The following RPH3A variants were observed in gnomAD, a reference collection of about 807,000 sequenced individuals.
The protein encoded by RPH3A is rabphilin 3A.
Under a neutral mutation model 102.2 loss-of-function variants are expected in RPH3A, and 48 were observed. The ratio of observed to expected loss-of-function variants is 0.47; its 90% CI spans 0.37 to 0.60. The LOEUF is 0.60. Among genes scored for constraint, RPH3A ranks in the 20% least tolerant of loss-of-function variants. The probability of loss-of-function intolerance (pLI) is 0.00; values close to 1 mark genes in which losing one functional copy is unlikely to be tolerated. For synonymous variants in RPH3A, 310 were observed against 324.3 expected (o/e 0.96, Z 0.47); for missense variants, 781 against 910.1 (o/e 0.86, Z 1.83).
intron 1 of RPH3A, among the ~76,000 whole-genome samples, chr12:112,749,300 G>A (rs989205592): frequency 6.6e-6 from 1 of 152,164 alleles, no homozygotes; most frequent in Non-Finnish European, 1.5e-5. Flanking sequence ...TGGGATGTGG[G>A]CAGACAATGT....
At chr12:112,802,375 G>T (rs1317970071) in intron 2 of RPH3A, among the ~76,000 whole-genome samples, 1 of 152,168 alleles carries the variant, frequency 6.6e-6, no homozygotes, top group Non-Finnish European at 1.5e-5. Context: ...CTGTAAGATG[G>T]GGATAATGCT....
chr12:112,627,220 T>TA, intron 1 of RPH3A, among the ~76,000 whole-genome samples: 1 of 151,472 alleles, frequency 6.6e-6, no homozygotes. Context: ...AAAAATAATT[T>TA]AAAAAAAATA....
chr12:112,868,397 C>T (rs377077492), intron 7 of RPH3A, 33 bp from the exon 8 acceptor site: 9 of 1,601,332 alleles, frequency 5.6e-6, no homozygotes, highest in African/African-American at 4.0e-5. Context: ...CGCTTGGCTG[C>T]CACATCTTCA....
chr12:112,739,294 C>A (rs529117777), intron 1 of RPH3A, among the ~76,000 whole-genome samples: 1 of 152,312 alleles, frequency 6.6e-6, no homozygotes, highest in South Asian at 2.1e-4. Flanking sequence ...CCTGCATGAA[C>A]TCAACTGCTC....
intron 1 of RPH3A, among the ~76,000 whole-genome samples, chr12:112,619,230 T>C (rs971092404): frequency 2.7e-5 from 4 of 149,772 alleles, no homozygotes; most frequent in African/African-American, 9.9e-5. Context: ...AGGAATGGAA[T>C]TGCCTTATGG....
intron 18 of RPH3A, among the ~76,000 whole-genome samples, chr12:112,890,572 A>G (rs2043077051): frequency 6.6e-6 from 1 of 152,198 alleles, no homozygotes; most frequent in Non-Finnish European, 1.5e-5. Flanking sequence ...GCCAAAGCCA[A>G]TCAGTGACCC....
Position 112,891,065 on chromosome 12 carries a change from A to T in RPH3A, c.1775+62A>T, listed in dbSNP as rs896739958. 5.7e-6 allele frequency: 9 copies of T among 1,576,944 alleles called. No individual in the cohort carries two copies. The African/African-American group carries it at 1.2e-4, about 21-fold the overall frequency. Reference sequence around the variant, plus strand: ...AGGAGTCCTGGAGCCTTGGAAAAGGAGAACCAGACAGTTTCACCAAGATCG... The same window carrying T: ...AGGAGTCCTGGAGCCTTGGAAAAGGTGAACCAGACAGTTTCACCAAGATCG... On this transcript the variant is annotated intron_variant, in intron 19 of 21. Coordinates refer to ENST00000389385, the MANE Select transcript of RPH3A (RefSeq NM_001143854.2).
intron 1 of RPH3A, among the ~76,000 whole-genome samples, chr12:112,694,569 CAGAG>C (rs1299025202): frequency 6.8e-6 from 1 of 146,094 alleles, no homozygotes; most frequent in Non-Finnish European, 1.5e-5. Flanking sequence ...GAGAGAGAGA[CAGAG>C]AGAGAGAGAA....
chr12:112,889,657 C>G (rs946678797), intron 17 of RPH3A, among the ~76,000 whole-genome samples: 31 of 152,214 alleles, frequency 2.0e-4, no homozygotes, highest in African/African-American at 6.8e-4. Flanking sequence ...GACCCCAAGA[C>G]CCCTGAGCCA....
At chr12:112,759,995 C>T (rs56761357) in intron 1 of RPH3A, among the ~76,000 whole-genome samples, 2 of 151,944 alleles carry the variant, frequency 1.3e-5, no homozygotes, top group Non-Finnish European at 2.9e-5. Flanking sequence ...GCCCGACCAG[C>T]CGGCCTGTCT....
chr12:112,602,543 C>G (rs1421219568), intron 1 of RPH3A, among the ~76,000 whole-genome samples: 1 of 152,162 alleles, frequency 6.6e-6, no homozygotes, highest in Non-Finnish European at 1.5e-5. Context: ...TTAGTAGGGG[C>G]AGGGCTAAGA....
chr12:112,657,571 A>T (rs1322489953), intron 1 of RPH3A, among the ~76,000 whole-genome samples: 4 of 152,168 alleles, frequency 2.6e-5, no homozygotes, highest in African/African-American at 9.7e-5. Context: ...CTATGATCTT[A>T]TGATGGTTAT....
chr12:112,743,878 T>C (rs1016709371), intron 1 of RPH3A, among the ~76,000 whole-genome samples: 4 of 152,160 alleles, frequency 2.6e-5, no homozygotes, highest in African/African-American at 9.7e-5. Context: ...CAAGATTTTC[T>C]TCTGATTTGC....
intron 1 of RPH3A, among the ~76,000 whole-genome samples, chr12:112,685,797 G>A (rs1592942928): frequency 6.6e-6 from 1 of 152,140 alleles, no homozygotes; most frequent in Admixed American, 6.5e-5. Flanking sequence ...TCATGCTGGA[G>A]GATTTCTTCA....
At position 112,738,535 on chromosome 12, in the gene RPH3A, G is replaced by C. The variant is rs934587787; in HGVS notation, c.-139-53608G>C. Among the ~76,000 whole-genome samples the C allele has an allele frequency of 3.3e-5, 5 of 152,132 alleles. 1 individual carries two copies. In the South Asian group the frequency reaches 1.0e-3, roughly 31 times the overall value. ...CCACTAAGGGAGTAAGCACTTTCTAGACCACATTTTGAGCAGAATTTAGAT... is the reference window on the plus strand; with the variant it reads ...CCACTAAGGGAGTAAGCACTTTCTACACCACATTTTGAGCAGAATTTAGAT... On this transcript the variant is annotated intron_variant, in intron 1 of 21. Coordinates refer to the RPH3A transcript ENST00000543106.
chr12:112,768,735 AGGCCCCATCTC>A (rs2040908423), intron 1 of RPH3A, among the ~76,000 whole-genome samples: 1 of 152,134 alleles, frequency 6.6e-6, no homozygotes, highest in Non-Finnish European at 1.5e-5. Context: ...AAACTTAGCA[AGGCCCCATCTC>A]TACAAAAATA....
intron 1 of RPH3A, among the ~76,000 whole-genome samples, chr12:112,676,842 G>C (rs539697958): frequency 2.4e-3 from 369 of 152,304 alleles, no homozygotes; most frequent in Non-Finnish European, 4.4e-3. Context: ...TGGAGGCTGG[G>C]CTGGACAGAA....
chr12:112,778,690 C>T (rs1272747134), intron 1 of RPH3A, among the ~76,000 whole-genome samples: 1 of 152,152 alleles, frequency 6.6e-6, no homozygotes, highest in Admixed American at 6.5e-5. Flanking sequence ...GCATAGGCGT[C>T]AACTTCAGGC....
chr12:112,621,359 C>T (rs1343894258), intron 1 of RPH3A, among the ~76,000 whole-genome samples: 1 of 149,708 alleles, frequency 6.7e-6, no homozygotes, highest in African/African-American at 2.5e-5. Context: ...GCGCACCGTG[C>T]GCGAGCCGAA....
Sources: allele counts gnomAD v4.1 joint callset (sites outside exome capture counted in the v4.1 genomes callset), GRCh38; gene constraint gnomAD v4.1.1; transcripts MANE v1.5; gene names NCBI Gene and HGNC (gene_info 2026-07-23, HGNC 2026-07-21).